The following CGRRF1 variants were observed in gnomAD, a reference collection of about 807,000 sequenced individuals.
CGRRF1 encodes the protein cell growth regulator with RING finger domain protein 1.
CGRRF1 carries 32 observed loss-of-function variants against 37.2 expected under a neutral mutation model. The ratio of observed to expected loss-of-function variants is 0.86; its 90% confidence interval spans 0.65 to 1.16. CGRRF1 has a LOEUF of 1.16. Among genes scored for constraint, CGRRF1 ranks in the 50% most tolerant of loss-of-function variants. The pLI, the probability that CGRRF1 is intolerant of heterozygous loss-of-function variation, is 0.00. For missense variants in CGRRF1, 391 were observed against 382.6 expected, an observed-to-expected ratio of 1.02 and a Z score of -0.18; for synonymous variants, 141 against 140.3, an observed-to-expected ratio of 1.00 and a Z score of -0.04.
rs1399256356 is a variant in CGRRF1 at position 54,514,645 on chromosome 14, G to A, written c.104+4582G>A. On this transcript the variant is annotated intron_variant, in intron 1 of 5. Coordinates refer to ENST00000216420, the MANE Select transcript of CGRRF1 (RefSeq NM_006568.3). ...CAGTATCTGTTGTTCCCTTCTTTGGGCTCATGAGTTCTCATCATTTAGCTC... is the reference window on the plus strand; with the variant it reads ...CAGTATCTGTTGTTCCCTTCTTTGGACTCATGAGTTCTCATCATTTAGCTC... Among the ~76,000 whole-genome samples the A allele has an allele frequency of 3.9e-5, 6 of 152,116 alleles. No individual in the cohort carries two copies. The South Asian group carries it at 6.2e-4, about 16-fold the overall frequency.
At chr14:54,524,458 T>C (rs1168281630) in intron 2 of CGRRF1, among the ~76,000 whole-genome samples, 1 of 149,424 alleles carries the variant, frequency 6.7e-6, no homozygotes, top group Non-Finnish European at 1.5e-5. Flanking sequence ...TGATCATACC[T>C]CACTGCAGCC....
chr14:54,533,686 G>T (rs1039028273), intron 4 of CGRRF1, among the ~76,000 whole-genome samples: 3 of 151,500 alleles, frequency 2.0e-5, no homozygotes, highest in Non-Finnish European at 4.4e-5. Flanking sequence ...TTATATTTAG[G>T]TAGTACAGTT....
At chr14:54,515,238 A>G (rs963691970) in intron 1 of CGRRF1, among the ~76,000 whole-genome samples, 1 of 151,600 alleles carries the variant, frequency 6.6e-6, no homozygotes, top group Non-Finnish European at 1.5e-5. Flanking sequence ...ACAGGTGTGC[A>G]CTACCATGCC....
rs142671865 is a variant in CGRRF1, at chr14:54,535,878, A to G, written c.571-1844A>G. Among the ~76,000 whole-genome samples the G allele has an allele frequency of 3.1e-3, 477 of 152,038 alleles. 3 individuals carry two copies. The highest frequency in any genetic ancestry group is 5.5e-3 in the Non-Finnish European group (376 of 67,996). ...CTATGGCCTCATGAATTTTTCCCCC[A>G]GTGTTTTATAATTCATGGCTGAATT... On this transcript the variant is annotated intron_variant, in intron 4 of 5. Coordinates refer to ENST00000216420, the MANE Select transcript of CGRRF1 (RefSeq NM_006568.3).
In CGRRF1 at chr14:54,535,674, A is replaced by T. The variant is rs149055578; in HGVS notation, c.571-2048A>T. On this transcript the variant is annotated intron_variant, in intron 4 of 5. Transcript: ENST00000216420. ...AATATCCTGCTTTTTATTAAAAAAA[A>T]TTTTTTTGTCCTAGATTTAACATCC... is the stretch of plus-strand genomic sequence containing the variant. 9.0e-3 allele frequency among the ~76,000 whole-genome samples: 1,363 copies of T among 152,102 alleles called. 15 individuals carry two copies. The highest frequency in any genetic ancestry group is 0.03 in the African/African-American group (1,263 of 41,470).
intron 2 of CGRRF1, among the ~76,000 whole-genome samples, chr14:54,526,144 A>ATTTTTT (rs745596386): frequency 8.4e-5 from 9 of 107,076 alleles, no homozygotes; most frequent in Non-Finnish European, 1.3e-4. Flanking sequence ...TATATTTAAG[A>ATTTTTT]TTTTTTTTTT....
chr14:54,510,087 C>T, intron 1 of CGRRF1, 24 bp downstream of exon 1: 1 of 1,548,238 alleles, frequency 6.5e-7, no homozygotes, highest in Non-Finnish European at 8.9e-7. Context: ...GGGTGAGAGA[C>T]GAAGGGGCGG....
At chr14:54,513,957 T>A (rs1158186699) in intron 1 of CGRRF1, among the ~76,000 whole-genome samples, 1 of 152,144 alleles carries the variant, frequency 6.6e-6, no homozygotes, top group East Asian at 1.9e-4. Flanking sequence ...GACATCTAGG[T>A]AGACATGGAC....
intron 5 of CGRRF1, 95 bp downstream of exon 5, chr14:54,537,924 A>T (rs1430098007): frequency 1.3e-6 from 2 of 1,505,548 alleles, no homozygotes; most frequent in African/African-American, 2.8e-5. Context: ...TTTTCAGTTA[A>T]TAATTACAGA....
chr14:54,511,933 C>T (rs553977627), intron 1 of CGRRF1, among the ~76,000 whole-genome samples: 2 of 152,274 alleles, frequency 1.3e-5, no homozygotes, highest in African/African-American at 2.4e-5. Context: ...TCTCTCCATC[C>T]GAGTTAGTTT....
intron 2 of CGRRF1, among the ~76,000 whole-genome samples, chr14:54,528,206 CTTTTT>C (rs758797153): frequency 1.0e-5 from 1 of 96,286 alleles, no homozygotes. Context: ...TACCTCAATT[CTTTTT>C]TTTTTTTTTT....
At chr14:54,510,321 G>C (rs1166050630) in intron 1 of CGRRF1, 4 of 507,718 alleles carry the variant, frequency 7.9e-6, no homozygotes, top group Non-Finnish European at 1.1e-5. Flanking sequence ...GTTTTACTCA[G>C]CTTTGTTTCT....
intron 3 of CGRRF1, chr14:54,530,561 A>G: frequency 8.2e-7 from 1 of 1,223,810 alleles, no homozygotes; most frequent in Non-Finnish European, 1.1e-6. Context: ...TGTGGAGTGA[A>G]TATCTCTATC....
Position 54,530,205 on chromosome 14 carries a change from A to T in CGRRF1, c.401A>T (p.Tyr134Phe). Residue 134 changes from tyrosine to phenylalanine, a missense_variant, in exon 3 of 6, where the codon TAT becomes TTT. By Grantham distance (22) the Tyr-to-Phe change is conservative. Coordinates refer to ENST00000216420, the MANE Select transcript of CGRRF1 (RefSeq NM_006568.3). Reference protein sequence around the residue: ...QALEDALYSEYLYQEQYFIKK... With the variant: ...QALEDALYSEFLYQEQYFIKK... ...TTAGAAGATGCTCTGTATAGTGAAT[A>T]TCTCTATCAGGAACAGTATTTGTAT... 6.2e-7 allele frequency: 1 copy of T among 1,606,184 alleles called. No individual in the cohort carries two copies. Among genetic ancestry groups the T allele is most frequent in the Non-Finnish European group, 8.5e-7 (1 of 1,173,662 alleles).
intron 2 of CGRRF1, among the ~76,000 whole-genome samples, chr14:54,525,604 T>G (rs1346771265): frequency 6.6e-6 from 1 of 152,238 alleles, no homozygotes; most frequent in Non-Finnish European, 1.5e-5. Context: ...TTCATTTGTT[T>G]AAACTGTGGA....
chr14:54,518,550 C>CAA (rs1278275586), intron 1 of CGRRF1, among the ~76,000 whole-genome samples: 8 of 105,576 alleles, frequency 7.6e-5, no homozygotes, highest in African/African-American at 2.5e-4. Context: ...AACTCCATCT[C>CAA]AAAAAAAAAA....
chr14:54,531,225 C>T (rs549449945), intron 4 of CGRRF1, 175 bp downstream of exon 4: 1 of 550,742 alleles, frequency 1.8e-6, no homozygotes, highest in African/African-American at 1.9e-5. Flanking sequence ...GATTATGACT[C>T]ATTTCTTGCC....
In CGRRF1 at chr14:54,538,332, T is replaced by G. The variant is rs1405040027; in HGVS notation, c.948T>G (p.Phe316Leu). 1 of 1,613,354 alleles carries G rather than the reference T, an allele frequency of 6.2e-7. No homozygotes were observed. The highest frequency in any genetic ancestry group is 1.1e-5 in the South Asian group (1 of 91,060). The change falls in exon 6 of 6, where the codon TTT becomes TTG. Residue 316 changes from phenylalanine (F) to leucine (L), a missense_variant. Transcript: ENST00000216420. ...GCAGGCAGTTTGTTCAGGAATCTTT[T>G]GCACTTTGCAGTCAAAAAGAGCAAG... Reference protein sequence around the residue: ...PMCRQFVQESFALCSQKEQDK... With the variant: ...PMCRQFVQESLALCSQKEQDK...
chr14:54,537,005 A>G (rs2032610829), intron 4 of CGRRF1: 1 of 152,084 alleles, frequency 6.6e-6, no homozygotes, highest in Non-Finnish European at 1.5e-5. Context: ...ATTCTTATGT[A>G]TGGTATGAGG....
Sources: allele counts gnomAD v4.1 joint callset (sites outside exome capture counted in the v4.1 genomes callset), GRCh38; gene constraint gnomAD v4.1.1; transcripts MANE v1.5; gene names NCBI Gene and HGNC (gene_info 2026-07-23, HGNC 2026-07-21).